The following PPP3CC variants were observed in gnomAD, a reference collection of about 807,000 sequenced individuals.
The protein encoded by PPP3CC is serine/threonine-protein phosphatase 2B catalytic subunit gamma isoform.
A neutral mutation model predicts 60.3 loss-of-function variants in PPP3CC; 35 were observed. That is an observed-to-expected ratio of 0.58 (90% confidence interval 0.44 to 0.77). PPP3CC has a LOEUF of 0.77. Among genes scored for constraint, PPP3CC ranks in the 30% least tolerant of loss-of-function variants. PPP3CC has a pLI of 0.00. For synonymous variants in PPP3CC, 206 were observed against 224.3 expected (o/e 0.92, Z 0.73); for missense variants, 570 against 628.9 (o/e 0.91, Z 1.00).
Position 22,498,951 on chromosome 8 carries a change from CT to C in PPP3CC, c.484+840del, listed in dbSNP as rs201575022. The stretch of plus-strand genomic sequence containing the variant: ...CAGCCTGGCCAACATGATGAAACCC[CT>C]GTCTCTACTCAAAATACAAAAATTA... On this transcript the variant is annotated intron_variant, in intron 4 of 13. Coordinates refer to ENST00000240139, the MANE Select transcript of PPP3CC (RefSeq NM_005605.5). 1.6e-3 allele frequency among the ~76,000 whole-genome samples: 238 copies of C among 151,148 alleles called. 1 individual carries two copies. In the East Asian group the frequency reaches 0.044, roughly 28 times the overall value.
Position 22,513,384 on chromosome 8 carries a change from T to C in PPP3CC, c.722T>C (p.Leu241Ser). ...PSEDYGNEKT[L>S]EHYTHNTVRG... ...GAGGATTATGGCAATGAGAAGACCT[T>C]GGAGCACTATACCCACAACACTGTC... is the stretch of plus-strand genomic sequence containing the variant. Residue 241 changes from leucine to serine, a missense_variant, in exon 6 of 14, where the codon TTG becomes TCG. Leu to Ser is a moderately radical substitution (Grantham distance 145, BLOSUM62 -2). Coordinates refer to ENST00000240139, the MANE Select transcript of PPP3CC (RefSeq NM_005605.5). 1 of 1,614,074 alleles carries C rather than the reference T, an allele frequency of 6.2e-7. No homozygotes were observed. The highest frequency in any genetic ancestry group is 1.3e-5 in the African/African-American group (1 of 75,050).
Position 22,501,192 on chromosome 8 carries a change from G to A in PPP3CC, c.484+3080G>A, listed in dbSNP as rs80102838. ...ACAACAACAACAACAAAGATGTGAG[G>A]TATTTGAAGAGCAATTTTGTAATAT... On this transcript the variant is annotated intron_variant, in intron 4 of 13. Coordinates refer to ENST00000240139, the MANE Select transcript of PPP3CC (RefSeq NM_005605.5). 8.9e-3 allele frequency among the ~76,000 whole-genome samples: 1,357 copies of A among 152,194 alleles called. 19 individuals are homozygous for A. Among genetic ancestry groups the A allele is most frequent in the African/African-American group, 0.029 (1,200 of 41,522 alleles).
At chr8:22,477,481 AAAAAG>A (rs1356866395) in intron 3 of PPP3CC, among the ~76,000 whole-genome samples, 281 of 125,114 alleles carry the variant, frequency 2.2e-3, no homozygotes, top group African/African-American at 9.0e-3. Context: ...CTCAAAAAAA[AAAAAG>A]AAAGAAAGAA....
At chr8:22,483,908 A>G (rs370787696) in intron 3 of PPP3CC, among the ~76,000 whole-genome samples, 46 of 152,286 alleles carry the variant, frequency 3.0e-4, no homozygotes, top group African/African-American at 1.1e-3. Context: ...TGGTGCAATC[A>G]TAGCTCACTA....
intron 12 of PPP3CC, among the ~76,000 whole-genome samples, chr8:22,538,144 G>C (rs910438922): frequency 3.3e-5 from 5 of 152,138 alleles, no homozygotes; most frequent in Admixed American, 3.3e-4. Flanking sequence ...CTTACTGCAG[G>C]CTGCTATCTT....
chr8:22,491,459 A>G (rs982035527), intron 3 of PPP3CC, among the ~76,000 whole-genome samples: 1 of 152,200 alleles, frequency 6.6e-6, no homozygotes. Flanking sequence ...TATGCCAGCC[A>G]TTCAGCTCTT....
At position 22,441,279 on chromosome 8, in the gene PPP3CC, C is replaced by T; in HGVS notation, c.-131C>T. Reference sequence around the variant, plus strand: ...GCGCCCTTCTGGTGCTCGGACACCGCTGAGGAGCCGGGGCCGGGCACGGCT... The same window carrying T: ...GCGCCCTTCTGGTGCTCGGACACCGTTGAGGAGCCGGGGCCGGGCACGGCT... On this transcript the variant is annotated 5_prime_UTR_variant, in exon 1 of 14. Coordinates refer to ENST00000240139, the MANE Select transcript of PPP3CC (RefSeq NM_005605.5). 1 of 868,632 alleles carries T rather than the reference C, an allele frequency of 1.2e-6. No homozygotes were observed. Among genetic ancestry groups the T allele is most frequent in the East Asian group, 3.3e-5 (1 of 30,758 alleles). 53.8% of individuals were successfully genotyped at this position (868,632 alleles called of 1,614,324 possible).
chr8:22,465,537 A>G (rs997607095), intron 1 of PPP3CC, among the ~76,000 whole-genome samples: 1 of 152,170 alleles, frequency 6.6e-6, no homozygotes, highest in Admixed American at 6.6e-5. Context: ...ACCTCTAATG[A>G]ATGCATTAAT....
chr8:22,521,548 A>G (rs567242875), intron 6 of PPP3CC, among the ~76,000 whole-genome samples: 2 of 152,262 alleles, frequency 1.3e-5, no homozygotes, highest in Admixed American at 1.3e-4. Flanking sequence ...GGTTCTTACA[A>G]TGGCACTTAT....
chr8:22,494,910 A>G (rs1176032942), intron 3 of PPP3CC, among the ~76,000 whole-genome samples: 1 of 152,144 alleles, frequency 6.6e-6, no homozygotes, highest in Non-Finnish European at 1.5e-5. Flanking sequence ...TCTTTATTAT[A>G]TAGAGGGTGG....
intron 10 of PPP3CC, among the ~76,000 whole-genome samples, chr8:22,529,281 C>T (rs565437883): frequency 6.6e-6 from 1 of 152,232 alleles, no homozygotes; most frequent in South Asian, 2.1e-4. Flanking sequence ...CTGATACAGC[C>T]TCTAGAAAGG....
intron 9 of PPP3CC, among the ~76,000 whole-genome samples, chr8:22,528,057 G>T (rs2117135966): frequency 6.6e-6 from 1 of 152,304 alleles, no homozygotes; most frequent in Non-Finnish European, 1.5e-5. Context: ...AAATAACATA[G>T]TTACTTGTCA....
At chr8:22,491,519 C>A (rs1223332915) in intron 3 of PPP3CC, among the ~76,000 whole-genome samples, 1 of 152,170 alleles carries the variant, frequency 6.6e-6, no homozygotes. Flanking sequence ...ATAGGTTAAA[C>A]ATATACAAGC....
intron 8 of PPP3CC, among the ~76,000 whole-genome samples, chr8:22,525,365 G>A (rs1464406435): frequency 6.6e-6 from 1 of 151,866 alleles, no homozygotes; most frequent in Non-Finnish European, 1.5e-5. Flanking sequence ...TCTGAAAAAG[G>A]GAACTCTATT....
At chr8:22,447,979 T>C (rs1203780591) in intron 1 of PPP3CC, among the ~76,000 whole-genome samples, 2 of 152,252 alleles carry the variant, frequency 1.3e-5, no homozygotes, top group Non-Finnish European at 2.9e-5. Flanking sequence ...AAGGTTTTTT[T>C]GCAGTGTCTA....
intron 1 of PPP3CC, among the ~76,000 whole-genome samples, chr8:22,448,908 T>C (rs927117086): frequency 6.6e-6 from 1 of 152,212 alleles, no homozygotes; most frequent in Non-Finnish European, 1.5e-5. Flanking sequence ...GTTCATTTTA[T>C]GATTCTTTCA....
intron 12 of PPP3CC, among the ~76,000 whole-genome samples, chr8:22,534,806 C>T (rs925923889): frequency 3.9e-5 from 6 of 152,180 alleles, no homozygotes; most frequent in African/African-American, 1.4e-4. Context: ...ACATTATGGA[C>T]ACATGCTACA....
In PPP3CC at chr8:22,511,275, G is replaced by A. The variant is rs371018839; in HGVS notation, c.630+44G>A. Reference sequence around the variant, plus strand: ...TTCTCACAGGGAATATTTTTAAAATGTGTTGGGTTTTTTTGTTGTTGTTGT... The same window carrying A: ...TTCTCACAGGGAATATTTTTAAAATATGTTGGGTTTTTTTGTTGTTGTTGT... On this transcript the variant is annotated intron_variant, in intron 5 of 13. Coordinates refer to ENST00000240139, the MANE Select transcript of PPP3CC (RefSeq NM_005605.5). 108 of 1,579,188 alleles carry A rather than the reference G, an allele frequency of 6.8e-5. 1 individual carries two copies. Among genetic ancestry groups the A allele is most frequent in the South Asian group, 3.9e-4 (35 of 89,674 alleles).
intron 1 of PPP3CC, among the ~76,000 whole-genome samples, chr8:22,455,423 T>G (rs559848418): frequency 1.3e-5 from 2 of 152,346 alleles, no homozygotes; most frequent in African/African-American, 4.8e-5. Context: ...ATGTTTAATC[T>G]GACTGTGACT....
Sources: gnomAD v4.1 joint callset for allele counts (sites outside exome capture counted in the v4.1 genomes callset) on GRCh38, gnomAD v4.1.1 for gene constraint, MANE v1.5 for transcripts, NCBI Gene and HGNC (gene_info 2026-07-23, HGNC 2026-07-21) for gene names.